Variants in ZNF595 observed in about 807,000 individuals in gnomAD.
ZNF595 encodes the protein zinc finger protein 595.
A neutral mutation model predicts 19.4 loss-of-function variants in ZNF595; 9 were observed. The ratio of observed to expected loss-of-function variants is 0.46; its 90% CI spans 0.28 to 0.81. The LOEUF (loss-of-function observed/expected upper bound fraction) is 0.81. Among genes scored for constraint, ZNF595 ranks in the 30% least tolerant of loss-of-function variants. ZNF595 has a pLI of 0.11. For synonymous variants in ZNF595, 255 were observed against 255.9 expected (o/e 1.00, Z 0.03); for missense variants, 729 against 736.0 (o/e 0.99, Z 0.11).
At chr4:83,320 T>A (rs1553800414) in intron 3 of ZNF595, among the ~76,000 whole-genome samples, 1 of 151,986 alleles carries the variant, frequency 6.6e-6, no homozygotes, top group Admixed American at 6.6e-5. Flanking sequence ...AAGTGACTCT[T>A]GTGAAAAAGC....
At chr4:84,848 A>G (rs1714067520) in intron 3 of ZNF595, among the ~76,000 whole-genome samples, 1 of 152,070 alleles carries the variant, frequency 6.6e-6, no homozygotes, top group South Asian at 2.1e-4. Flanking sequence ...GTTCCCCTTT[A>G]GCTCATTGAG....
intron 3 of ZNF595, among the ~76,000 whole-genome samples, chr4:63,070 A>G (rs1407319807): frequency 1.9e-5 from 2 of 103,340 alleles, no homozygotes; most frequent in Admixed American, 1.0e-4. Context: ...TGACAAGACT[A>G]TACTTTCTGC....
intron 3 of ZNF595, among the ~76,000 whole-genome samples, chr4:68,668 C>A (rs1466920386): frequency 6.6e-6 from 1 of 152,220 alleles, no homozygotes; most frequent in Non-Finnish European, 1.5e-5. Flanking sequence ...TGGATTATAT[C>A]AGTGATTTTG....
rs556689941 is a variant in ZNF595, at chr4:86,053, C to T, written c.549C>T (p.Tyr183=). 1.1e-4 allele frequency: 185 copies of T among 1,612,178 alleles called. No individual in the cohort carries two copies. The East Asian group carries it at 3.9e-3, about 34-fold the overall frequency. Residue 183 remains tyrosine, a synonymous_variant, in exon 4 of 4, where the codon TAC becomes TAT. Coordinates refer to ENST00000610261, the MANE Select transcript of ZNF595 (RefSeq NM_182524.4). ...GTACAGAATGTGGCAGATCGTTTTA[C>T]ATGTCACACCTAACTCAACATACAG... The part of the protein sequence containing the change: ...FKCTECGRSF[Y]MSHLTQHTGI...
At chr4:71,115 T>C (rs1560087561) in intron 3 of ZNF595, among the ~76,000 whole-genome samples, 1 of 152,198 alleles carries the variant, frequency 6.6e-6, no homozygotes, top group Non-Finnish European at 1.5e-5. Context: ...CTATTGTAAA[T>C]GGGATTACTC....
rs782223085 is a variant in ZNF595, at chr4:86,663, AAGAGAATTCATACTGG to A, written c.1166_1181del (p.Ile389AsnfsTer74). On this transcript the variant is annotated frameshift_variant, in exon 4 of 4. Coordinates refer to ENST00000610261, the MANE Select transcript of ZNF595 (RefSeq NM_182524.4). LOFTEE classifies it high-confidence loss of function. ...TTGGTCCTCATCCCTTAATAAACAT[AAGAGAATTCATACTGG>A]AGAGAAACCCTACACATGTGAAGAA... 1.5e-5 allele frequency: 25 copies of A among 1,613,636 alleles called. No homozygotes were observed. In the South Asian group the frequency reaches 2.6e-4, roughly 17 times the overall value.
Position 87,620 on chromosome 4 carries a change from A to C in ZNF595, c.*169A>C. ...TGGCTTATTTGGATTATTTTGATAC[A>C]GGCATATGACATGTAATTATCACAT... On this transcript the variant is annotated 3_prime_UTR_variant, in exon 4 of 4. Transcript: ENST00000610261. The C allele has an allele frequency of 1.9e-6, 1 of 531,040 alleles. No individual in the cohort carries two copies. Among genetic ancestry groups the C allele is most frequent in the Non-Finnish European group, 3.1e-6 (1 of 321,560 alleles). The allele number at this position is 531,040 out of a possible 1,614,324, so 32.9% of individuals were successfully genotyped here. A position where few individuals can be genotyped will look rare whatever the true frequency, so the allele number is the denominator to read the frequency against.
At position 87,112 on chromosome 4, in the gene ZNF595, C is replaced by T. The variant is rs375240508; in HGVS notation, c.1608C>T (p.Tyr536=). ...HRSIHSEQKL[Y]KCEECGKAFT... Reference sequence around the variant, plus strand: ...GCATTCATTCTGAACAAAAACTTTACAAATGTGAAGAATGTGGCAAAGCCT... The same window carrying T: ...GCATTCATTCTGAACAAAAACTTTATAAATGTGAAGAATGTGGCAAAGCCT... Residue 536 remains tyrosine (Y), a synonymous_variant, in exon 4 of 4, where the codon TAC becomes TAT. Coordinates refer to ENST00000610261, the MANE Select transcript of ZNF595 (RefSeq NM_182524.4). 6.2e-7 allele frequency: 1 copy of T among 1,613,984 alleles called. No individual in the cohort carries two copies. Among genetic ancestry groups the T allele is most frequent in the Admixed American group, 1.7e-5 (1 of 60,010 alleles).
chr4:71,437 G>T (rs892958724), intron 3 of ZNF595, among the ~76,000 whole-genome samples: 2 of 152,132 alleles, frequency 1.3e-5, no homozygotes, highest in Admixed American at 6.5e-5. Flanking sequence ...CACCTTATCA[G>T]AATGCCCTTG....
At chr4:61,067 C>T (rs1400645131) in intron 3 of ZNF595, among the ~76,000 whole-genome samples, 4 of 152,162 alleles carry the variant, frequency 2.6e-5, no homozygotes, top group Admixed American at 6.6e-5. Context: ...TACCCATCAC[C>T]ACAGATAAGC....
rs1158720551 is a variant in ZNF595 at position 87,555 on chromosome 4, T to C, written c.*104T>C. The C allele has an allele frequency of 8.4e-7, 1 of 1,194,540 alleles. No homozygotes were observed. The highest frequency in any genetic ancestry group is 1.1e-6 in the Non-Finnish European group (1 of 895,094). The allele number at this position is 1,194,540 out of a possible 1,614,324, so 74.0% of individuals were successfully genotyped here. A position where few individuals can be genotyped will look rare whatever the true frequency, so the allele number is the denominator to read the frequency against. On this transcript the variant is annotated 3_prime_UTR_variant, in exon 4 of 4. Coordinates refer to ENST00000610261, the MANE Select transcript of ZNF595 (RefSeq NM_182524.4). ...GTATTATTTTTCTTATTTTAAATTT[T>C]TTAAAATTTCTGTAGGTACATAGTA...
Position 86,672 on chromosome 4 carries a change from C to A in ZNF595, c.1168C>A (p.His390Asn), listed in dbSNP as rs879968349. The change falls in exon 4 of 4, where the codon CAT becomes AAT. Residue 390 changes from histidine (H) to asparagine (N), a missense_variant. Around this residue, in one of 2 missense-constraint regions of ZNF595, gnomAD observed 729 missense variants for 675.3 expected, o/e 1.08. Transcript: ENST00000610261. ...SSSLNKHKRI[H>N]TGEKPYTCEE... The stretch of plus-strand genomic sequence containing the variant: ...ATCCCTTAATAAACATAAGAGAATT[C>A]ATACTGGAGAGAAACCCTACACATG... 2 of 1,613,568 alleles carry A rather than the reference C, an allele frequency of 1.2e-6. No individual in the cohort carries two copies. The highest frequency in any genetic ancestry group is 1.7e-6 in the Non-Finnish European group (2 of 1,179,848).
rs146070291 is a variant in ZNF595 at position 85,813 on chromosome 4, C to G, written c.309C>G (p.Tyr103Ter). The change falls in exon 4 of 4, where the codon TAC becomes TAG. Residue 103 changes from tyrosine (Y) to a stop codon, truncating the protein, a stop_gained. Transcript: ENST00000610261. LOFTEE classifies it low-confidence loss of function (END_TRUNC). ...TCCACAAACTTATACTGAAAAGATA[C>G]GAGAAATGTGGACATGAGAATTTAC... Reference protein sequence around the residue: ...DSFHKLILKRYEKCGHENLQL... With the variant: ...DSFHKLILKR 2 of 1,613,666 alleles carry G rather than the reference C, an allele frequency of 1.2e-6. No individual in the cohort carries two copies. The highest frequency in any genetic ancestry group is 1.7e-6 in the Non-Finnish European group (2 of 1,179,820).
rs781809328 is a variant in ZNF595, at chr4:87,144, G to T, written c.1640G>T (p.Arg547Leu). 1 of 1,613,804 alleles carries T rather than the reference G, an allele frequency of 6.2e-7. No homozygotes were observed. Among genetic ancestry groups the T allele is most frequent in the Non-Finnish European group, 8.5e-7 (1 of 1,179,914 alleles). ...KCEECGKAFT[R>L]STALNEHKKI... ...GAAGAATGTGGCAAAGCCTTTACTC[G>T]GTCCACAGCCCTGAATGAACATAAG... Residue 547 changes from arginine to leucine, a missense_variant, in exon 4 of 4, where the codon CGG (arginine) becomes CTG (leucine). Transcript: ENST00000610261.
At chr4:81,053 A>T (rs1033521223) in intron 3 of ZNF595, among the ~76,000 whole-genome samples, 1 of 151,300 alleles carries the variant, frequency 6.6e-6, no homozygotes, top group Non-Finnish European at 1.5e-5. Flanking sequence ...TCATTGTTCA[A>T]CTCCCACTTA....
At chr4:66,436 G>A (rs1449573745) in intron 3 of ZNF595, among the ~76,000 whole-genome samples, 1 of 151,802 alleles carries the variant, frequency 6.6e-6, no homozygotes, top group African/African-American at 2.4e-5. Flanking sequence ...CTTTAATGTG[G>A]AGAGATAAAT....
intron 3 of ZNF595, among the ~76,000 whole-genome samples, chr4:66,636 G>A (rs1198375497): frequency 5.3e-5 from 8 of 151,250 alleles, no homozygotes; most frequent in Non-Finnish European, 1.2e-4. Context: ...TCAGGGGAAG[G>A]ATCCAACCTC....
Position 87,433 on chromosome 4 carries a change from T to C in ZNF595, c.1929T>C (p.Thr643=), listed in dbSNP as rs782000971. ...TTACTGTACACAAGCGAATTCATAC[T>C]GGCAAGGAACATAGTTGAATGACAT... ...STLTVHKRIH[T]GKEHS Residue 643 remains threonine, a synonymous_variant, in exon 4 of 4, where the codon ACT becomes ACC. Transcript: ENST00000610261. 1 of 1,596,780 alleles carries C rather than the reference T, an allele frequency of 6.3e-7. No individual in the cohort carries two copies. Among genetic ancestry groups the C allele is most frequent in the South Asian group, 1.1e-5 (1 of 88,074 alleles).
intron 3 of ZNF595, among the ~76,000 whole-genome samples, chr4:75,088 G>A (rs1440680134): frequency 6.6e-6 from 1 of 151,048 alleles, no homozygotes; most frequent in Admixed American, 6.6e-5. Flanking sequence ...CACTCTTTTA[G>A]TTATTATTGA....
Sources: gnomAD v4.1 joint callset for allele counts (sites outside exome capture counted in the v4.1 genomes callset) on GRCh38, gnomAD v4.1.1 for gene constraint, gnomAD v4.1.1 regional missense constraint, MANE v1.5 for transcripts, NCBI Gene and HGNC (gene_info 2026-07-23, HGNC 2026-07-21) for gene names.